BRINP1: variants seen among roughly 807,000 people sequenced by gnomAD.
BRINP1 encodes BMP/retinoic acid inducible neural specific 1.
Under a neutral mutation model 72.9 loss-of-function variants are expected in BRINP1, and 17 were observed. The observed-to-expected ratio is 0.23, with a 90% CI of 0.16 to 0.35. The LOEUF (loss-of-function observed/expected upper bound fraction) is 0.35, where lower values mean the gene tolerates loss of function less well. Ranked by LOEUF, BRINP1 falls within the 10% of genes least tolerant of loss-of-function variation. The pLI is 1.00. For missense variants in BRINP1, 850 were observed against 1,001.6 expected, an observed-to-expected ratio of 0.85 and a Z score of 2.04; for synonymous variants, 418 against 378.5, an observed-to-expected ratio of 1.10 and a Z score of -1.21.
intron 2 of BRINP1, among the ~76,000 whole-genome samples, chr9:119,306,107 G>A (rs1329864378): frequency 6.6e-6 from 1 of 152,132 alleles, no homozygotes; most frequent in Admixed American, 6.6e-5. Flanking sequence ...TGGGCAAGTA[G>A]GTCCATTTTC....
intron 7 of BRINP1, among the ~76,000 whole-genome samples, chr9:119,178,654 T>G (rs566612499): frequency 1.3e-5 from 2 of 152,112 alleles, no homozygotes; most frequent in Non-Finnish European, 2.9e-5. Flanking sequence ...GTGCTGGAGG[T>G]TCTTCACACT....
intron 2 of BRINP1, among the ~76,000 whole-genome samples, chr9:119,254,643 A>G (rs1830426952): frequency 6.6e-6 from 1 of 152,212 alleles, no homozygotes; most frequent in Non-Finnish European, 1.5e-5. Flanking sequence ...AGTCAAAAGA[A>G]GGTGTTGAGT....
intron 7 of BRINP1, among the ~76,000 whole-genome samples, chr9:119,205,289 C>T (rs972218868): frequency 1.3e-5 from 2 of 152,120 alleles, no homozygotes; most frequent in African/African-American, 2.4e-5. Context: ...CTCAAAATTC[C>T]TCAAATTAAT....
intron 5 of BRINP1, among the ~76,000 whole-genome samples, chr9:119,236,650 C>A (rs972890881): frequency 6.6e-6 from 1 of 152,188 alleles, no homozygotes; most frequent in African/African-American, 2.4e-5. Context: ...TGCCTGGATT[C>A]AAATCCTGGC....
intron 1 of BRINP1, among the ~76,000 whole-genome samples, chr9:119,363,520 G>C (rs1222286312): frequency 6.6e-6 from 1 of 152,176 alleles, no homozygotes; most frequent in East Asian, 1.9e-4. Context: ...GCTTCTCCTG[G>C]CTACTCAATC....
intron 7 of BRINP1, among the ~76,000 whole-genome samples, chr9:119,204,361 C>G (rs753594757): frequency 6.6e-6 from 1 of 152,160 alleles, no homozygotes; most frequent in Non-Finnish European, 1.5e-5. Flanking sequence ...TGCCTTCCAG[C>G]CAATATTAAG....
At chr9:119,210,474 T>A (rs571311302) in intron 6 of BRINP1, among the ~76,000 whole-genome samples, 1 of 152,242 alleles carries the variant, frequency 6.6e-6, no homozygotes, top group Middle Eastern at 3.4e-3. Context: ...GAGGTAGGTA[T>A]TTTAGAGCCC....
intron 2 of BRINP1, among the ~76,000 whole-genome samples, chr9:119,310,250 G>A (rs75134195): frequency 0.039 from 5,944 of 152,234 alleles, 158 homozygotes; most frequent in Non-Finnish European, 0.054. Flanking sequence ...CCCTGACTCC[G>A]AGGTCAAAAG....
chr9:119,281,553 T>C (rs1200486503), intron 2 of BRINP1, among the ~76,000 whole-genome samples: 1 of 152,174 alleles, frequency 6.6e-6, no homozygotes, highest in Non-Finnish European at 1.5e-5. Context: ...GGATTCTCTA[T>C]GGGCGAGTGA....
chr9:119,276,817 T>C (rs565126757), intron 2 of BRINP1, among the ~76,000 whole-genome samples: 9 of 152,346 alleles, frequency 5.9e-5, no homozygotes, highest in African/African-American at 2.2e-4. Context: ...CTTCCCTTTC[T>C]ACTCCCCTTT....
chr9:119,199,826 A>G (rs1236711288), intron 7 of BRINP1, among the ~76,000 whole-genome samples: 1 of 150,924 alleles, frequency 6.6e-6, no homozygotes, highest in Non-Finnish European at 1.5e-5. Flanking sequence ...TCAGTAGGGA[A>G]CATTTCCCAA....
At chr9:119,306,347 A>C (rs1412596058) in intron 2 of BRINP1, among the ~76,000 whole-genome samples, 2 of 152,236 alleles carry the variant, frequency 1.3e-5, no homozygotes, top group Non-Finnish European at 2.9e-5. Flanking sequence ...GCCCAGAAAA[A>C]TGTTTGCTGG....
chr9:119,263,947 A>T (rs1830522651), intron 2 of BRINP1, among the ~76,000 whole-genome samples: 1 of 152,170 alleles, frequency 6.6e-6, no homozygotes, highest in African/African-American at 2.4e-5. Flanking sequence ...AAACGGGCTT[A>T]TGAATGGATC....
chr9:119,279,716 A>T (rs989506162), intron 2 of BRINP1, among the ~76,000 whole-genome samples: 2 of 152,228 alleles, frequency 1.3e-5, no homozygotes, highest in African/African-American at 2.4e-5. Context: ...TCAATTCTGT[A>T]TGCAAGAAAA....
Position 119,353,126 on chromosome 9 carries a change from C to T in BRINP1, c.-51+15930G>A, listed in dbSNP as rs192616379. Among the ~76,000 whole-genome samples the T allele has an allele frequency of 1.1e-4, 17 of 152,262 alleles. No individual in the cohort carries two copies. In the East Asian group the frequency reaches 1.7e-3, roughly 16 times the overall value. ...TTCAGAACATCTATTGATAGAATTT[C>T]GGTACCACCGAGGCAAGCCTCAGCT... On this transcript the variant is annotated intron_variant, in intron 1 of 7. Transcript: ENST00000265922.
intron 1 of BRINP1, among the ~76,000 whole-genome samples, chr9:119,351,879 T>C (rs1831511253): frequency 6.6e-6 from 1 of 151,904 alleles, no homozygotes; most frequent in Non-Finnish European, 1.5e-5. Flanking sequence ...TGCAGTGACA[T>C]AATCTTGGCT....
intron 1 of BRINP1, among the ~76,000 whole-genome samples, chr9:119,323,633 C>A (rs1831212033): frequency 6.6e-6 from 1 of 152,210 alleles, no homozygotes; most frequent in African/African-American, 2.4e-5. Context: ...CAAAGAAATG[C>A]TGCCAGTAAG....
intron 1 of BRINP1, among the ~76,000 whole-genome samples, chr9:119,320,627 G>T (rs1157940773): frequency 6.6e-6 from 1 of 152,138 alleles, no homozygotes; most frequent in African/African-American, 2.4e-5. Context: ...CTCTGATAAA[G>T]GGGCTTCCAG....
Position 119,369,198 on chromosome 9 carries a change from G to A in BRINP1, c.-193C>T. 2.5e-6 allele frequency: 1 copy of A among 398,768 alleles called. No individual in the cohort carries two copies. Among genetic ancestry groups the A allele is most frequent in the Non-Finnish European group, 4.4e-6 (1 of 226,190 alleles). The allele number at this position is 398,768 out of a possible 1,614,324, so 24.7% of individuals were successfully genotyped here. A position where few individuals can be genotyped will look rare whatever the true frequency, so the allele number is the denominator to read the frequency against. On this transcript the variant is annotated 5_prime_UTR_variant, in exon 1 of 8. Transcript: ENST00000265922. ...CAGGCGTGGGGGTACCTGGCTCCTA[G>A]CAGCCTGGCTCATACTCAGCCGTAA...
Sources: allele counts gnomAD v4.1 joint callset (sites outside exome capture counted in the v4.1 genomes callset), GRCh38; gene constraint gnomAD v4.1.1; transcripts MANE v1.5; gene names NCBI Gene and HGNC (gene_info 2026-07-23, HGNC 2026-07-21).